The following IVNS1ABP variants were observed in gnomAD, a reference collection of about 807,000 sequenced individuals.
The protein encoded by IVNS1ABP is influenza virus NS1A-binding protein.
In IVNS1ABP, 25 loss-of-function variants were observed where a neutral mutation model predicts 78.9. That is an observed-to-expected ratio of 0.32 (90% CI 0.23 to 0.44). The LOEUF is 0.44. Ranked by LOEUF, IVNS1ABP falls within the 20% of genes least tolerant of loss-of-function variation. IVNS1ABP has a pLI of 1.00. For missense variants in IVNS1ABP, 494 were observed against 768.9 expected (o/e 0.64, Z 4.23); for synonymous variants, 241 against 259.7 (o/e 0.93, Z 0.69).
Position 185,317,159 on chromosome 1 carries a change from G to C in IVNS1ABP, c.-453C>G, listed in dbSNP as rs1666061023. 2.5e-6 allele frequency: 1 copy of C among 398,292 alleles called. No individual in the cohort carries two copies. The highest frequency in any genetic ancestry group is 4.4e-6 in the Non-Finnish European group (1 of 226,026). 24.7% of individuals were successfully genotyped at this position (398,292 alleles called of 1,614,324 possible). A position where few individuals can be genotyped will look rare whatever the true frequency, so the allele number is the denominator to read the frequency against. Reference sequence around the variant, plus strand: ...ACTCGCGGGAACTCGCTCGCTCGCCGATACAGCCGCGCCGAAGCAGCAGGC... The same window carrying C: ...ACTCGCGGGAACTCGCTCGCTCGCCCATACAGCCGCGCCGAAGCAGCAGGC... On this transcript the variant is annotated 5_prime_UTR_variant, in exon 1 of 15. The change creates a new upstream start codon in the 5' untranslated region. Transcript: ENST00000367498.
intron 1 of IVNS1ABP, among the ~76,000 whole-genome samples, chr1:185,312,612 G>A (rs915305167): frequency 6.6e-6 from 1 of 152,146 alleles, no homozygotes; most frequent in Non-Finnish European, 1.5e-5. Flanking sequence ...TGCCAATTCG[G>A]GTTGGGATTG....
chr1:185,303,912 C>T (rs1558116586), intron 8 of IVNS1ABP, among the ~76,000 whole-genome samples: 1 of 152,128 alleles, frequency 6.6e-6, no homozygotes, highest in Non-Finnish European at 1.5e-5. Flanking sequence ...GCAAAACTTT[C>T]GTATCACTGT....
intron 7 of IVNS1ABP, chr1:185,306,397 C>A (rs1291664508): frequency 5.3e-5 from 58 of 1,099,000 alleles, no homozygotes; most frequent in Non-Finnish European, 6.9e-5. Context: ...TAAAAGTAGC[C>A]CAAGTTAAGT....
chr1:185,316,887 CCTT>C (rs1482984020), intron 1 of IVNS1ABP, 63 bp downstream of exon 1: 23 of 397,660 alleles, frequency 5.8e-5, no homozygotes, highest in Admixed American at 4.0e-4. Context: ...CGGCGCCATC[CCTT>C]CTTCTCGGAT....
intron 9 of IVNS1ABP, 114 bp downstream of exon 9, chr1:185,301,320 T>C: frequency 6.9e-7 from 1 of 1,456,288 alleles, no homozygotes; most frequent in Non-Finnish European, 9.5e-7. Context: ...TTTCCAAATT[T>C]AATTGCTTCT....
At chr1:185,309,911 C>A (rs1665839723) in intron 2 of IVNS1ABP, among the ~76,000 whole-genome samples, 1 of 152,138 alleles carries the variant, frequency 6.6e-6, no homozygotes, top group Admixed American at 6.5e-5. Context: ...ATTTGGGCTC[C>A]TGTCATTCCT....
chr1:185,309,207 T>C (rs994690460), intron 3 of IVNS1ABP, 35 bp from the exon 4 acceptor site: 1 of 1,463,036 alleles, frequency 6.8e-7, no homozygotes. Context: ...ATAAGTATTG[T>C]GGATTATGTG....
Position 185,297,931 on chromosome 1 carries a change from T to C in IVNS1ABP, c.*104A>G. 2 of 1,089,928 alleles carry C rather than the reference T, an allele frequency of 1.8e-6. No homozygotes were observed. The highest frequency in any genetic ancestry group is 2.7e-6 in the Non-Finnish European group (2 of 746,426). The allele number at this position is 1,089,928 out of a possible 1,614,324, so 67.5% of individuals were successfully genotyped here. On this transcript the variant is annotated 3_prime_UTR_variant, in exon 15 of 15. Coordinates refer to ENST00000367498, the MANE Select transcript of IVNS1ABP (RefSeq NM_006469.5). Reference sequence around the variant, plus strand: ...GCAATATGCAAAAGCTTTGTGTTGCTGTTAGCAACATCTATACCCACCCAC... The same window carrying C: ...GCAATATGCAAAAGCTTTGTGTTGCCGTTAGCAACATCTATACCCACCCAC...
At chr1:185,315,561 A>G (rs1665995044) in intron 1 of IVNS1ABP, among the ~76,000 whole-genome samples, 1 of 152,252 alleles carries the variant, frequency 6.6e-6, no homozygotes, top group African/African-American at 2.4e-5. Flanking sequence ...CTTGATAAGC[A>G]GCCTGCCAGC....
Position 185,298,915 on chromosome 1 carries a change from T to C in IVNS1ABP, c.1676-627A>G, listed in dbSNP as rs1665494593. On this transcript the variant is annotated intron_variant, in intron 14 of 14. Transcript: ENST00000367498. This position sits in a 1 kb window ranked among gnomAD's most constrained non-coding sequence, Gnocchi z 4.1. ...TGTCTCAATTAAAAAAATAAAATGA[T>C]TGTGGTACAGAAATTTCTTCTGGAA... is the stretch of plus-strand genomic sequence containing the variant. 1 of 152,164 alleles carries C rather than the reference T, an allele frequency of 6.6e-6. No homozygotes were observed. Among genetic ancestry groups the C allele is most frequent in the Admixed American group, 6.5e-5 (1 of 15,268 alleles). The allele number at this position is 152,164 out of a possible 1,614,324, so 9.4% of individuals were successfully genotyped here. A position where few individuals can be genotyped will look rare whatever the true frequency, so the allele number is the denominator to read the frequency against.
rs1665696649 is a variant in IVNS1ABP at position 185,304,906 on chromosome 1, G to A, written c.765+630C>T. 2.0e-5 allele frequency among the ~76,000 whole-genome samples: 3 copies of A among 152,028 alleles called. No individual in the cohort carries two copies. The South Asian group carries it at 6.2e-4, about 31-fold the overall frequency. Reference sequence around the variant, plus strand: ...AGAAGTTTGTTCTCTAGTAATTGTTGATAATGTGTCTGAATAATTATGTGT... The same window carrying A: ...AGAAGTTTGTTCTCTAGTAATTGTTAATAATGTGTCTGAATAATTATGTGT... On this transcript the variant is annotated intron_variant, in intron 8 of 14. Transcript: ENST00000367498.
chr1:185,300,077 C>T lies in IVNS1ABP; in HGVS notation c.1423G>A (p.Gly475Ser), dbSNP rs200137725. 37 of 1,613,246 alleles carry T rather than the reference C, an allele frequency of 2.3e-5. No individual in the cohort carries two copies. The highest frequency in any genetic ancestry group is 2.8e-5 in the Non-Finnish European group (33 of 1,179,654). The change falls in exon 13 of 15, where the codon GGT becomes AGT. Residue 475 changes from glycine (G) to serine (S), a missense_variant. Coordinates refer to ENST00000367498, the MANE Select transcript of IVNS1ABP (RefSeq NM_006469.5). ...TCACAATTTTTCAGTCCTTTTTGAC[C>T]ATATGGATCAGAGCCACCAACGATG... ...LYIVGGSDPY[G>S]QKGLKNCDVF...
At chr1:185,310,880 GAA>G (rs914313158) in intron 2 of IVNS1ABP, among the ~76,000 whole-genome samples, 1 of 138,202 alleles carries the variant, frequency 7.2e-6, no homozygotes, top group African/African-American at 2.7e-5. Context: ...TCTCTTTAAG[GAA>G]AAAAAAAAAG....
At chr1:185,314,546 TAAG>T (rs1480685886) in intron 1 of IVNS1ABP, among the ~76,000 whole-genome samples, 6 of 152,166 alleles carry the variant, frequency 3.9e-5, no homozygotes, top group Non-Finnish European at 2.9e-5. Context: ...GGCGAGGAAG[TAAG>T]AGAGCCTAAT....
rs1665579179 is a variant in IVNS1ABP at position 185,300,954 on chromosome 1, G to A, written c.1120+18C>T. Reference sequence around the variant, plus strand: ...TGCCCATCTACATGCTTAGCCAGTTGAATGCTTCTGTTCTTACCTGCAGCT... The same window carrying A: ...TGCCCATCTACATGCTTAGCCAGTTAAATGCTTCTGTTCTTACCTGCAGCT... On this transcript the variant is annotated intron_variant, in intron 10 of 14. Transcript: ENST00000367498. The A allele has an allele frequency of 6.2e-7, 1 of 1,601,186 alleles. No individual in the cohort carries two copies. Among genetic ancestry groups the A allele is most frequent in the Non-Finnish European group, 8.5e-7 (1 of 1,169,606 alleles).
In IVNS1ABP at chr1:185,311,138, A is replaced by G. The variant is rs958904680; in HGVS notation, c.-62T>C. 2.7e-6 allele frequency: 1 copy of G among 376,286 alleles called. No homozygotes were observed. Among genetic ancestry groups the G allele is most frequent in the Non-Finnish European group, 4.7e-6 (1 of 211,706 alleles). The allele number at this position is 376,286 out of a possible 1,614,324, so 23.3% of individuals were successfully genotyped here. ...ATGTATTTCTGGGAACTCTTAAGTAATCCAAGGACAAAGGAGTGTTAAAAG... is the reference window on the plus strand; with the variant it reads ...ATGTATTTCTGGGAACTCTTAAGTAGTCCAAGGACAAAGGAGTGTTAAAAG... On this transcript the variant is annotated 5_prime_UTR_variant, in exon 2 of 15. Coordinates refer to ENST00000367498, the MANE Select transcript of IVNS1ABP (RefSeq NM_006469.5).
intron 1 of IVNS1ABP, among the ~76,000 whole-genome samples, chr1:185,312,244 A>G (rs1665907953): frequency 6.6e-6 from 1 of 152,144 alleles, no homozygotes; most frequent in African/African-American, 2.4e-5. Flanking sequence ...CCTCCTACCT[A>G]TTCTCCCTCC....
chr1:185,310,205 T>C (rs1233849389), intron 2 of IVNS1ABP, among the ~76,000 whole-genome samples: 1 of 152,216 alleles, frequency 6.6e-6, no homozygotes, highest in East Asian at 1.9e-4. Context: ...ATATTCTAAA[T>C]CACTTATCTC....
At chr1:185,316,863 C>T (rs1666047647) in intron 1 of IVNS1ABP, 90 bp downstream of exon 1, 2 of 396,650 alleles carry the variant, frequency 5.0e-6, no homozygotes, top group African/African-American at 2.1e-5. Flanking sequence ...GCCTCCCACC[C>T]TCTTCCCATC....
Sources: gnomAD v4.1 joint callset for allele counts (sites outside exome capture counted in the v4.1 genomes callset) on GRCh38, gnomAD v4.1.1 for gene constraint, Gnocchi (gnomAD v3.1) non-coding constraint, MANE v1.5 for transcripts, NCBI Gene and HGNC (gene_info 2026-07-23, HGNC 2026-07-21) for gene names.